The following NRAS variants were observed in gnomAD, a reference collection of about 807,000 sequenced individuals.
NRAS encodes NRAS proto-oncogene, GTPase, also known as GTPase NRas.
NRAS carries 6 observed loss-of-function variants against 21.3 expected under a neutral mutation model. That is an observed-to-expected ratio of 0.28 (90% CI 0.15 to 0.56). The LOEUF (loss-of-function observed/expected upper bound fraction) is 0.56. NRAS is among the 20% of genes least tolerant of loss of function. NRAS has a pLI of 0.93. For synonymous variants in NRAS, 84 were observed against 82.0 expected (o/e 1.02, Z -0.13); for missense variants, 143 against 231.3 (o/e 0.62, Z 2.48).
Position 114,705,484 on chromosome 1 carries a change from A to C in NRAS, c.*2610T>G, listed in dbSNP as rs1658887798. On this transcript the variant is annotated 3_prime_UTR_variant, in exon 7 of 7. Transcript: ENST00000369535. ...CTGGCCAGGCACTTAATTTGGGGAAAGAGAAGGATTTTGAGGTAAACTAGA... is the reference window on the plus strand; with the variant it reads ...CTGGCCAGGCACTTAATTTGGGGAACGAGAAGGATTTTGAGGTAAACTAGA... 1 of 152,248 alleles carries C rather than the reference A, an allele frequency of 6.6e-6. No individual in the cohort carries two copies. The highest frequency in any genetic ancestry group is 2.4e-5 in the African/African-American group (1 of 41,470). 9.4% of individuals were successfully genotyped at this position (152,248 alleles called of 1,614,324 possible).
At chr1:114,709,916 G>A (rs1659002336) in intron 3 of NRAS, among the ~76,000 whole-genome samples, 188 bp from the exon 4 acceptor site, 2 of 152,032 alleles carry the variant, frequency 1.3e-5, no homozygotes, top group Admixed American at 1.3e-4. Flanking sequence ...GATTAGGCTG[G>A]GTGCAGTGGC....
intron 3 of NRAS, among the ~76,000 whole-genome samples, chr1:114,711,361 G>GTCCAC (rs1659038618): frequency 6.6e-6 from 1 of 152,036 alleles, no homozygotes; most frequent in Non-Finnish European, 1.5e-5. Context: ...CCTCTGGGAG[G>GTCCAC]CCGAGGCGGG....
In NRAS at chr1:114,711,907, A is replaced by G. The variant is rs192334680; in HGVS notation, c.290+1893T>C. Among the ~76,000 whole-genome samples, 407 of 152,344 alleles carry G rather than the reference A, an allele frequency of 2.7e-3. 1 individual carries two copies. Among genetic ancestry groups the G allele is most frequent in the Non-Finnish European group, 4.7e-3 (322 of 68,022 alleles). On this transcript the variant is annotated intron_variant, in intron 3 of 6. Transcript: ENST00000369535. The stretch of plus-strand genomic sequence containing the variant: ...TACTAGTGGCTATTGAGCATTTGGT[A>G]GTCAAGGAACTAATTTTTAAATTTT...
At chr1:114,715,702 C>T (rs1289334873) in intron 2 of NRAS, among the ~76,000 whole-genome samples, 3 of 152,146 alleles carry the variant, frequency 2.0e-5, no homozygotes, top group Admixed American at 6.5e-5. Flanking sequence ...TCTCTGAATC[C>T]TTTATCTCCA....
rs1478750002 is a variant in NRAS at position 114,709,162 on chromosome 1, C to T, written c.450+407G>A. 1.4e-4 allele frequency among the ~76,000 whole-genome samples: 22 copies of T among 152,230 alleles called. 1 individual carries two copies. The highest frequency in any genetic ancestry group is 4.8e-4 in the African/African-American group (20 of 41,544). ...TAAAAATGCCTAACAACAGGCTGGG[C>T]GTGGTGGCTCACACCTGTAATCCCA... On this transcript the variant is annotated intron_variant, in intron 4 of 6. Coordinates refer to ENST00000369535, the MANE Select transcript of NRAS (RefSeq NM_002524.5).
At chr1:114,711,210 G>A (rs765391203) in intron 3 of NRAS, among the ~76,000 whole-genome samples, 7 of 152,134 alleles carry the variant, frequency 4.6e-5, no homozygotes, top group Non-Finnish European at 7.4e-5. Context: ...GGAAGCTGAG[G>A]TGGGAGGATC....
In NRAS at chr1:114,705,964, G is replaced by C. The variant is rs1658903950; in HGVS notation, c.*2130C>G. 6.6e-6 allele frequency: 1 copy of C among 152,088 alleles called. No individual in the cohort carries two copies. Among genetic ancestry groups the C allele is most frequent in the South Asian group, 2.1e-4 (1 of 4,824 alleles). The allele number at this position is 152,088 out of a possible 1,614,324, so 9.4% of individuals were successfully genotyped here. On this transcript the variant is annotated 3_prime_UTR_variant, in exon 7 of 7. Coordinates refer to ENST00000369535, the MANE Select transcript of NRAS (RefSeq NM_002524.5). ...CCCTAATTTGACATCAAATTTAATAGATTTTTAAGAAAAAGAATCACTGCC... is the reference window on the plus strand; with the variant it reads ...CCCTAATTTGACATCAAATTTAATACATTTTTAAGAAAAAGAATCACTGCC...
chr1:114,712,575 C>CAA (rs890024786), intron 3 of NRAS, among the ~76,000 whole-genome samples: 4 of 145,856 alleles, frequency 2.7e-5, no homozygotes, highest in African/African-American at 1.0e-4. Context: ...TACTTTTAGA[C>CAA]AAAAAAAAAA....
At position 114,707,053 on chromosome 1, in the gene NRAS, T is replaced by G. The variant is rs946756293; in HGVS notation, c.*1041A>C. ...ACCAAAGTTTTACAATATTTGAACA[T>G]CTGCAAATGTAGAGCTTTCTGGTAT... is the stretch of plus-strand genomic sequence containing the variant. On this transcript the variant is annotated 3_prime_UTR_variant, in exon 7 of 7. Coordinates refer to ENST00000369535, the MANE Select transcript of NRAS (RefSeq NM_002524.5). The G allele has an allele frequency of 6.5e-6, 1 of 152,686 alleles. No individual in the cohort carries two copies. Among genetic ancestry groups the G allele is most frequent in the African/African-American group, 2.4e-5 (1 of 41,472 alleles). 9.5% of individuals were successfully genotyped at this position (152,686 alleles called of 1,614,324 possible).
intron 2 of NRAS, 119 bp downstream of exon 2, chr1:114,715,931 G>A: frequency 4.1e-6 from 3 of 736,198 alleles, no homozygotes; most frequent in Non-Finnish European, 7.5e-6. Context: ...ATAACTGAAT[G>A]TATACCCAAA....
In NRAS at chr1:114,708,671, T is replaced by G. The variant is rs371334343; in HGVS notation, c.451-17A>C. On this transcript the variant is annotated splice_polypyrimidine_tract_variant and intron_variant, in intron 4 of 6. Coordinates refer to ENST00000369535, the MANE Select transcript of NRAS (RefSeq NM_002524.5). ...TTCAACACCCTATAAAAGGAAAAAA[T>G]GAAAAAAAATGAGAGAGCTAGCTCA... 6.2e-7 allele frequency: 1 copy of G among 1,610,426 alleles called. No homozygotes were observed. The highest frequency in any genetic ancestry group is 1.3e-5 in the African/African-American group (1 of 74,524).
rs1258292100 is a variant in NRAS at position 114,716,049 on chromosome 1, C to T, written c.111+1G>A. The T allele has an allele frequency of 6.3e-7, 1 of 1,592,458 alleles. No homozygotes were observed. Among genetic ancestry groups the T allele is most frequent in the Non-Finnish European group, 8.6e-7 (1 of 1,160,062 alleles). Reference sequence around the variant, plus strand: ...GTCAGCGGGCTACCACTGGGCCTCACCTCTATGGTGGGATCATATTCATCT... The same window carrying T: ...GTCAGCGGGCTACCACTGGGCCTCATCTCTATGGTGGGATCATATTCATCT... On this transcript the variant is annotated splice_donor_variant, in intron 2 of 6. Coordinates refer to ENST00000369535, the MANE Select transcript of NRAS (RefSeq NM_002524.5). LOFTEE classifies it high-confidence loss of function.
At chr1:114,708,259 T>C (rs1340131652) in intron 5 of NRAS, 67 bp from the exon 6 acceptor site, 1 of 438,782 alleles carries the variant, frequency 2.3e-6, no homozygotes, top group East Asian at 3.9e-5. Flanking sequence ...TTCAAATTCC[T>C]GGTCATTGCC....
At chr1:114,710,095 G>T (rs1659007894) in intron 3 of NRAS, among the ~76,000 whole-genome samples, 1 of 151,434 alleles carries the variant, frequency 6.6e-6, no homozygotes, top group Admixed American at 6.6e-5. Context: ...GGAAGCTGAG[G>T]CAGGAGAATC....
chr1:114,704,734 C>G lies in NRAS; in HGVS notation c.*3360G>C, dbSNP rs2101735601. On this transcript the variant is annotated 3_prime_UTR_variant, in exon 7 of 7. Coordinates refer to ENST00000369535, the MANE Select transcript of NRAS (RefSeq NM_002524.5). ...CGGACATCCTCCCCTCCCTCCAGAG[C>G]AGAGTTCATACAATTCCATCTTAGG... 1 of 152,326 alleles carries G rather than the reference C, an allele frequency of 6.6e-6. No homozygotes were observed. Among genetic ancestry groups the G allele is most frequent in the East Asian group, 1.9e-4 (1 of 5,192 alleles). The allele number at this position is 152,326 out of a possible 1,614,324, so 9.4% of individuals were successfully genotyped here.
rs550638834 is a variant in NRAS at position 114,710,475 on chromosome 1, C to T, written c.291-747G>A. ...AAGGCTGCAGTGAGCCATAATTGTT[C>T]CACTGCACTCCAGCCTGGGCAACAG... On this transcript the variant is annotated intron_variant, in intron 3 of 6. Coordinates refer to ENST00000369535, the MANE Select transcript of NRAS (RefSeq NM_002524.5). Among the ~76,000 whole-genome samples the T allele has an allele frequency of 8.1e-3, 1,209 of 149,384 alleles. 13 individuals are homozygous for T. The highest frequency in any genetic ancestry group is 0.021 in the Middle Eastern group (6 of 286).
Position 114,706,410 on chromosome 1 carries a change from G to A in NRAS, c.*1684C>T, listed in dbSNP as rs1045580913. 1.3e-5 allele frequency: 2 copies of A among 152,110 alleles called. No individual in the cohort carries two copies. Among genetic ancestry groups the A allele is most frequent in the East Asian group, 3.8e-4 (2 of 5,198 alleles). 9.4% of individuals were successfully genotyped at this position (152,110 alleles called of 1,614,324 possible). ...ATGCCAAGCCTCCAAATCCTCATAG[G>A]TATCAATTAATTATATTTTCCATTC... On this transcript the variant is annotated 3_prime_UTR_variant, in exon 7 of 7. Coordinates refer to ENST00000369535, the MANE Select transcript of NRAS (RefSeq NM_002524.5).
In NRAS at chr1:114,716,126, C is replaced by A. The variant is rs121913237; in HGVS notation, c.35G>T (p.Gly12Val). Residue 12 changes from glycine to valine, a missense_variant, in exon 2 of 7, where the codon GGT becomes GTT. By Grantham distance (109) the Gly-to-Val change is moderately radical (BLOSUM62 -3). Coordinates refer to ENST00000369535, the MANE Select transcript of NRAS (RefSeq NM_002524.5). The stretch of plus-strand genomic sequence containing the variant: ...TGTCAGTGCGCTTTTCCCAACACCA[C>A]CTGCTCCAACCACCACCAGTTTGTA... ...TEYKLVVVGAGGVGKSALTIQ... is the reference protein window; with the variant it reads ...TEYKLVVVGAVGVGKSALTIQ... 6.2e-7 allele frequency: 1 copy of A among 1,613,974 alleles called. No individual in the cohort carries two copies. Among genetic ancestry groups the A allele is most frequent in the Non-Finnish European group, 8.5e-7 (1 of 1,179,846 alleles).
chr1:114,709,818 G>C, intron 3 of NRAS, 90 bp from the exon 4 acceptor site: 1 of 1,023,698 alleles, frequency 9.8e-7, no homozygotes, highest in South Asian at 1.3e-5. Context: ...CACTTTGGGA[G>C]GCTGAGGAGG....
Sources: gnomAD v4.1 joint callset for allele counts (sites outside exome capture counted in the v4.1 genomes callset) on GRCh38, gnomAD v4.1.1 for gene constraint, MANE v1.5 for transcripts, NCBI Gene and HGNC (gene_info 2026-07-23, HGNC 2026-07-21) for gene names.